FHIP1B: variants seen among roughly 807,000 people sequenced by gnomAD.
FHIP1B encodes FHF complex subunit HOOK interacting protein 1B, also known as FHF complex subunit HOOK-interacting protein 1B.
In FHIP1B, 28 loss-of-function variants were observed where a neutral mutation model predicts 82.2. The ratio of observed to expected loss-of-function variants is 0.34; its 90% CI spans 0.25 to 0.47. The LOEUF (loss-of-function observed/expected upper bound fraction) is 0.47. Among genes scored for constraint, FHIP1B ranks in the 20% least tolerant of loss-of-function variants. The probability of loss-of-function intolerance (pLI) is 1.00; values close to 1 mark genes in which losing one functional copy is unlikely to be tolerated. For missense variants in FHIP1B, 1,110 were observed against 1,262.6 expected (o/e 0.88, Z 1.83); for synonymous variants, 585 against 516.1 (o/e 1.13, Z -1.81).
intron 11 of FHIP1B, among the ~76,000 whole-genome samples, chr11:6,213,658 A>G (rs1009082882): frequency 1.3e-5 from 2 of 152,200 alleles, no homozygotes; most frequent in Admixed American, 6.5e-5. Flanking sequence ...TTAAAACTTC[A>G]TAACGATATT....
chr11:6,228,037 G>A (rs1007265870), intron 1 of FHIP1B, among the ~76,000 whole-genome samples: 2 of 152,176 alleles, frequency 1.3e-5, no homozygotes, highest in African/African-American at 2.4e-5. Flanking sequence ...AGGAAATTCA[G>A]TAAAATGAGA....
intron 6 of FHIP1B, among the ~76,000 whole-genome samples, chr11:6,221,451 C>G (rs910188275): frequency 5.9e-5 from 9 of 152,118 alleles, no homozygotes; most frequent in African/African-American, 2.2e-4. Context: ...GTCTTTATAA[C>G]TTGGAAACCA....
intron 1 of FHIP1B, among the ~76,000 whole-genome samples, chr11:6,229,681 A>T (rs1009446738): frequency 2.0e-5 from 3 of 152,188 alleles, no homozygotes; most frequent in African/African-American, 7.2e-5. Context: ...AACAAAGGGT[A>T]CTGCTCATGG....
In FHIP1B at chr11:6,223,121, G is replaced by A; in HGVS notation, c.895C>T (p.Leu299Phe). ...CAGAACTCCAGGGAACTCATGAAGA[G>A]TGCAAGGGCTGGCACTCCCAGCCAG... ...EDWLGVPALA[L>F]FMSSLEFCNA... The change falls in exon 4 of 12, where the codon CTC (leucine) becomes TTC (phenylalanine). Residue 299 changes from leucine to phenylalanine, a missense_variant. Physicochemically the swap from Leu to Phe is conservative, Grantham distance 22. This residue lies in a region of FHIP1B where 467 missense variants were observed against 602.9 expected (regional missense o/e 0.77). Transcript: ENST00000449352. This position sits in a 1 kb window ranked among gnomAD's most constrained non-coding sequence, Gnocchi z 4.8. The A allele has an allele frequency of 6.3e-7, 1 of 1,598,120 alleles. No homozygotes were observed. The highest frequency in any genetic ancestry group is 1.1e-5 in the South Asian group (1 of 89,050).
intron 1 of FHIP1B, among the ~76,000 whole-genome samples, chr11:6,232,807 A>T (rs1590640616): frequency 1.3e-5 from 2 of 152,312 alleles, no homozygotes; most frequent in Non-Finnish European, 2.9e-5. Flanking sequence ...AATAATTTTT[A>T]AAATTAAAAA....
rs780339823 is a variant in FHIP1B at position 6,218,776 on chromosome 11, T to A, written c.1272-13A>T. Reference sequence around the variant, plus strand: ...TGGAACAAGATACCTGAGAAAGACATCAGAAAGGGGACACAGGGTAGATCA... The same window carrying A: ...TGGAACAAGATACCTGAGAAAGACAACAGAAAGGGGACACAGGGTAGATCA... On this transcript the variant is annotated splice_polypyrimidine_tract_variant and intron_variant, in intron 7 of 11. Coordinates refer to ENST00000449352, the MANE Select transcript of FHIP1B (RefSeq NM_001098794.2). The A allele has an allele frequency of 3.1e-6, 5 of 1,613,424 alleles. No individual in the cohort carries two copies. Among genetic ancestry groups the A allele is most frequent in the Non-Finnish European group, 4.2e-6 (5 of 1,179,814 alleles).
chr11:6,214,359 T>G, intron 11 of FHIP1B, 52 bp downstream of exon 11: 1 of 1,538,720 alleles, frequency 6.5e-7, no homozygotes, highest in Middle Eastern at 2.4e-4. Flanking sequence ...TTAACCTGGG[T>G]TAATAGGCTA....
chr11:6,224,724 A>G lies in FHIP1B; in HGVS notation c.-191-17T>C. The G allele has an allele frequency of 1.8e-6, 1 of 570,128 alleles. No homozygotes were observed. The highest frequency in any genetic ancestry group is 3.1e-6 in the Non-Finnish European group (1 of 325,344). The allele number at this position is 570,128 out of a possible 1,614,324, so 35.3% of individuals were successfully genotyped here. On this transcript the variant is annotated splice_polypyrimidine_tract_variant and intron_variant, in intron 1 of 11. Coordinates refer to ENST00000449352, the MANE Select transcript of FHIP1B (RefSeq NM_001098794.2). Reference sequence around the variant, plus strand: ...TTTCTAAATCTAATTCAGAGAAGAGATAATGGAAGGGATAAATAGAAGCTC... The same window carrying G: ...TTTCTAAATCTAATTCAGAGAAGAGGTAATGGAAGGGATAAATAGAAGCTC...
At position 6,217,670 on chromosome 11, in the gene FHIP1B, G is replaced by T; in HGVS notation, c.1916C>A (p.Pro639Gln). 6.2e-7 allele frequency: 1 copy of T among 1,613,908 alleles called. No homozygotes were observed. Among genetic ancestry groups the T allele is most frequent in the Non-Finnish European group, 8.5e-7 (1 of 1,179,974 alleles). ...HLPPPQLNGV[P>Q]GSWPEGAKKV... is the part of the protein sequence containing the mutation. ...CTTGGCCCCCTCAGGCCATGATCCTGGCACTCCATTGAGCTGGGGAGGGGG... is the reference window on the plus strand; with the variant it reads ...CTTGGCCCCCTCAGGCCATGATCCTTGCACTCCATTGAGCTGGGGAGGGGG... Residue 639 changes from proline (P) to glutamine (Q), a missense_variant, in exon 9 of 12, where the codon CCA (proline) becomes CAA (glutamine). Physicochemically the swap from Pro to Gln is moderately conservative, Grantham distance 76 (BLOSUM62 -1). Transcript: ENST00000449352.
intron 1 of FHIP1B, among the ~76,000 whole-genome samples, chr11:6,232,639 T>G (rs1847726817): frequency 6.6e-6 from 1 of 152,208 alleles, no homozygotes; most frequent in South Asian, 2.1e-4. Flanking sequence ...GGTATCTATA[T>G]AAATCAGTAT....
At position 6,217,886 on chromosome 11, in the gene FHIP1B, C is replaced by T. The variant is rs756472160; in HGVS notation, c.1700G>A (p.Arg567Gln). 1.1e-5 allele frequency: 17 copies of T among 1,613,160 alleles called. No individual in the cohort carries two copies. In the African/African-American group the frequency reaches 1.2e-4, roughly 11 times the overall value. The change falls in exon 9 of 12, where the codon CGA (arginine) becomes CAA (glutamine). Residue 567 changes from arginine (R) to glutamine (Q), a missense_variant. Physicochemically the swap from Arg to Gln is conservative, Grantham distance 43 (BLOSUM62 1). Transcript: ENST00000449352. ...EARRGVDRCV[R>Q]ACRTWSAPYD... ...GGGGGCAGACCAGGTACGGCAGGCT[C>T]GGACACAGCGGTCCACACCACGACG...
chr11:6,222,976 G>C, intron 4 of FHIP1B, 79 bp from the exon 5 acceptor site: 1 of 1,572,332 alleles, frequency 6.4e-7, no homozygotes, highest in South Asian at 1.1e-5. Context: ...ACACTACAGA[G>C]AGGCATCCTA....
chr11:6,233,126 C>G (rs138700123), intron 1 of FHIP1B, among the ~76,000 whole-genome samples: 5 of 152,260 alleles, frequency 3.3e-5, no homozygotes, highest in Non-Finnish European at 7.4e-5. Flanking sequence ...GGAGGCCTGT[C>G]TGGACTCCAG....
intron 1 of FHIP1B, among the ~76,000 whole-genome samples, chr11:6,231,530 G>A (rs1310849250): frequency 6.7e-6 from 1 of 148,474 alleles, no homozygotes; most frequent in African/African-American, 2.5e-5. Flanking sequence ...AAGTGCAGTG[G>A]TGTGACCTCA....
Position 6,223,550 on chromosome 11 carries a change from G to A in FHIP1B, c.777+60C>T. ...ATAGCCTCTCCCCATCTCCTGGATAGGAAGGTGCTGTTCAGTATCTACACA... is the reference window on the plus strand; with the variant it reads ...ATAGCCTCTCCCCATCTCCTGGATAAGAAGGTGCTGTTCAGTATCTACACA... On this transcript the variant is annotated intron_variant, in intron 3 of 11. Transcript: ENST00000449352. This position sits in a 1 kb window ranked among gnomAD's most constrained non-coding sequence, Gnocchi z 4.8. The A allele has an allele frequency of 2.0e-6, 3 of 1,510,932 alleles. No homozygotes were observed. The highest frequency in any genetic ancestry group is 2.7e-6 in the Non-Finnish European group (3 of 1,127,816). The allele number at this position is 1,510,932 out of a possible 1,614,324, so 93.6% of individuals were successfully genotyped here.
chr11:6,221,932 T>A (rs1590623227), intron 6 of FHIP1B, among the ~76,000 whole-genome samples: 1 of 152,290 alleles, frequency 6.6e-6, no homozygotes, highest in East Asian at 1.9e-4. Flanking sequence ...ACAGTGAACA[T>A]TCAGTAAAAA....
intron 1 of FHIP1B, among the ~76,000 whole-genome samples, chr11:6,230,540 A>AT (rs1490329834): frequency 2.0e-5 from 3 of 152,186 alleles, no homozygotes; most frequent in Non-Finnish European, 4.4e-5. Flanking sequence ...CCCTCAGACA[A>AT]ATGGGATGTC....
intron 6 of FHIP1B, 74 bp from the exon 7 acceptor site, chr11:6,219,124 C>G (rs1008893218): frequency 8.2e-7 from 1 of 1,225,808 alleles, no homozygotes; most frequent in African/African-American, 1.5e-5. Context: ...CAAACGGGAA[C>G]CCCACCAGCC....
chr11:6,229,799 G>C (rs916259625), intron 1 of FHIP1B, among the ~76,000 whole-genome samples: 5 of 152,090 alleles, frequency 3.3e-5, no homozygotes, highest in Non-Finnish European at 7.4e-5. Context: ...CAGCATCTCA[G>C]ATTCCAAAAG....
Sources: allele counts gnomAD v4.1 joint callset (sites outside exome capture counted in the v4.1 genomes callset), GRCh38; gene constraint gnomAD v4.1.1; regional missense constraint gnomAD v4.1.1; non-coding constraint Gnocchi (gnomAD v3.1); transcripts MANE v1.5; gene names NCBI Gene and HGNC (gene_info 2026-07-23, HGNC 2026-07-21).